CCSER1: variants seen among roughly 807,000 people sequenced by gnomAD.
CCSER1 encodes the protein serine-rich coiled-coil domain-containing protein 1.
CCSER1 carries 41 observed loss-of-function variants against 82.0 expected under a neutral mutation model. The ratio of observed to expected loss-of-function variants is 0.50; its 90% CI spans 0.39 to 0.65. CCSER1 has a LOEUF of 0.65. Among genes scored for constraint, CCSER1 ranks in the 30% least tolerant of loss-of-function variants. The pLI, the probability that CCSER1 is intolerant of heterozygous loss-of-function variation, is 0.00. For missense variants in CCSER1, 1,119 were observed against 1,064.2 expected, an observed-to-expected ratio of 1.05 and a Z score of -0.72; for synonymous variants, 414 against 383.9, an observed-to-expected ratio of 1.08 and a Z score of -0.92.
chr4:90,815,957 G>T (rs1758956738), intron 8 of CCSER1, 112 bp downstream of exon 8: 1 of 599,700 alleles, frequency 1.7e-6, no homozygotes, highest in South Asian at 2.8e-5. Context: ...TCCTTCCAGT[G>T]GTTCAATCCA....
chr4:90,616,725 ACACACACACACAC>A (rs1340723833), intron 5 of CCSER1, among the ~76,000 whole-genome samples: 10 of 112,552 alleles, frequency 8.9e-5, no homozygotes, highest in African/African-American at 3.7e-4. Flanking sequence ...ACACACACAC[ACACACACACACAC>A]AAATAAAATA....
In CCSER1 at chr4:90,648,301, GA is replaced by G. The variant is rs1284284391; in HGVS notation, c.1932+20072del. ...GAAAGAAAGGAAAGAAAGAAAGAAAGAAAGAAAGAAAGAAAGAAAGAAAGAA... is the reference window on the plus strand; with the variant it reads ...GAAAGAAAGGAAAGAAAGAAAGAAAGAAGAAAGAAAGAAAGAAAGAAAGAA... On this transcript the variant is annotated intron_variant, in intron 6 of 10. Coordinates refer to ENST00000509176, the MANE Select transcript of CCSER1 (RefSeq NM_001145065.2). Among the ~76,000 whole-genome samples the G allele has an allele frequency of 1.6e-4, 11 of 67,718 alleles. No individual in the cohort carries two copies. The East Asian group carries it at 3.7e-3, about 23-fold the overall frequency. The allele number at this position is 67,718 out of a possible 152,430, so 44.4% of individuals were successfully genotyped here.
intron 10 of CCSER1, among the ~76,000 whole-genome samples, chr4:91,196,773 A>G (rs1275920675): frequency 6.6e-6 from 1 of 152,238 alleles, no homozygotes; most frequent in African/African-American, 2.4e-5. Context: ...TTCTAACCAT[A>G]CATAACTCTT....
intron 9 of CCSER1, among the ~76,000 whole-genome samples, chr4:90,996,052 A>G (rs1378103063): frequency 1.3e-5 from 2 of 152,098 alleles, no homozygotes; most frequent in Non-Finnish European, 2.9e-5. Context: ...ATAATATTTT[A>G]TTATAGTCCA....
chr4:90,885,764 A>C (rs961350383), intron 8 of CCSER1, among the ~76,000 whole-genome samples: 1 of 152,184 alleles, frequency 6.6e-6, no homozygotes, highest in Admixed American at 6.5e-5. Flanking sequence ...TGAATTTATC[A>C]GATACATAAA....
intron 1 of CCSER1, among the ~76,000 whole-genome samples, chr4:90,255,294 A>G (rs1187497631): frequency 1.3e-5 from 2 of 152,068 alleles, no homozygotes; most frequent in East Asian, 3.9e-4. Context: ...AGTGATCTAC[A>G]TGGGAACCAC....
At position 90,632,231 on chromosome 4, in the gene CCSER1, C is replaced by T. The variant is rs1215393904; in HGVS notation, c.1932+3999C>T. Among the ~76,000 whole-genome samples the T allele has an allele frequency of 6.6e-5, 10 of 152,084 alleles. No individual in the cohort carries two copies. In the East Asian group the frequency reaches 1.9e-3, roughly 29 times the overall value. On this transcript the variant is annotated intron_variant, in intron 6 of 10. Coordinates refer to ENST00000509176, the MANE Select transcript of CCSER1 (RefSeq NM_001145065.2). ...CAATTTTTATTACTGGCTAAACAAC[C>T]TTAGATTGCTATTAAAATGTTAAAT...
At chr4:91,569,418 TG>T (rs757153325) in intron 10 of CCSER1, among the ~76,000 whole-genome samples, 10 of 152,152 alleles carry the variant, frequency 6.6e-5, no homozygotes, top group Non-Finnish European at 1.3e-4. Context: ...GGTTGTCTCC[TG>T]GGGGCTTGTA....
chr4:90,545,074 A>G (rs559788834), intron 5 of CCSER1, among the ~76,000 whole-genome samples: 5 of 152,136 alleles, frequency 3.3e-5, no homozygotes, highest in East Asian at 1.9e-4. Flanking sequence ...GATAAAACTC[A>G]TCTTTTGAGA....
chr4:91,413,832 G>T (rs1578398019), intron 10 of CCSER1, among the ~76,000 whole-genome samples: 1 of 151,984 alleles, frequency 6.6e-6, no homozygotes, highest in Non-Finnish European at 1.5e-5. Flanking sequence ...CCTACAAAAG[G>T]CTATCAGCAG....
intron 5 of CCSER1, among the ~76,000 whole-genome samples, chr4:90,618,448 A>C (rs1203636125): frequency 1.3e-5 from 2 of 152,012 alleles, no homozygotes; most frequent in Non-Finnish European, 2.9e-5. Context: ...TGTTTTTCAT[A>C]AATCATATCT....
chr4:90,133,262 A>AT (rs1723107189), intron 1 of CCSER1, among the ~76,000 whole-genome samples: 1 of 152,146 alleles, frequency 6.6e-6, no homozygotes, highest in South Asian at 2.1e-4. Context: ...TTCTGACCAA[A>AT]TTTTTAATGA....
In CCSER1 at chr4:90,403,103, TA is replaced by T. The variant is rs371537593; in HGVS notation, c.1603+2979del. 7.0e-4 allele frequency among the ~76,000 whole-genome samples: 106 copies of T among 152,314 alleles called. 3 individuals carry two copies. The East Asian group carries it at 0.012, about 17-fold the overall frequency. On this transcript the variant is annotated intron_variant, in intron 4 of 10. Transcript: ENST00000509176. ...TTTAGATGCCATGTTGTGTGGTTTTTAAAAAGCAGCAAACACGTTTATATAC... is the reference window on the plus strand; with the variant it reads ...TTTAGATGCCATGTTGTGTGGTTTTTAAAAGCAGCAAACACGTTTATATAC...
chr4:91,031,930 CTAA>C (rs1317981870), intron 9 of CCSER1, among the ~76,000 whole-genome samples: 1 of 151,948 alleles, frequency 6.6e-6, no homozygotes, highest in Non-Finnish European at 1.5e-5. Flanking sequence ...CTAATATTTC[CTAA>C]TGTTTTTTAA....
intron 10 of CCSER1, among the ~76,000 whole-genome samples, chr4:91,588,259 A>T (rs768425338): frequency 6.6e-6 from 1 of 151,618 alleles, no homozygotes; most frequent in Non-Finnish European, 1.5e-5. Context: ...AAAGAAAAAA[A>T]ATAGCCTTAG....
At position 90,156,910 on chromosome 4, in the gene CCSER1, G is replaced by A. The variant is rs149409199; in HGVS notation, c.-42+29079G>A. Among the ~76,000 whole-genome samples the A allele has an allele frequency of 2.2e-3, 339 of 152,262 alleles. 10 individuals carry two copies. In the South Asian group the frequency reaches 0.045, roughly 20 times the overall value. On this transcript the variant is annotated intron_variant, in intron 1 of 10. Transcript: ENST00000509176. ...TATTGTTATGTGTGAATTCGATCCT[G>A]TCATTATGATGTTAGCTGGTTATTT...
chr4:90,127,433 C>G lies in CCSER1; in HGVS notation c.-440C>G, dbSNP rs912521763. On this transcript the variant is annotated 5_prime_UTR_variant, in exon 1 of 11. Transcript: ENST00000509176. The stretch of plus-strand genomic sequence containing the variant: ...CGGCCTGCCGGGGAGGTGGATCTCG[C>G]GCTCCCCACACAGTCACACTCCGCG... 2.0e-5 allele frequency: 3 copies of G among 152,404 alleles called. No individual in the cohort carries two copies. The highest frequency in any genetic ancestry group is 7.2e-5 in the African/African-American group (3 of 41,424). 9.4% of individuals were successfully genotyped at this position (152,404 alleles called of 1,614,324 possible). A position where few individuals can be genotyped will look rare whatever the true frequency, so the allele number is the denominator to read the frequency against.
At chr4:90,607,908 AC>A (rs1192616293) in intron 5 of CCSER1, among the ~76,000 whole-genome samples, 2 of 152,114 alleles carry the variant, frequency 1.3e-5, no homozygotes, top group Non-Finnish European at 2.9e-5. Flanking sequence ...ACTCCACTTA[AC>A]CGTTTTTAAA....
chr4:90,764,497 A>G (rs1291375804), intron 7 of CCSER1, among the ~76,000 whole-genome samples: 1 of 152,132 alleles, frequency 6.6e-6, no homozygotes, highest in Non-Finnish European at 1.5e-5. Flanking sequence ...AGAGACATCA[A>G]TTGTCACCCA....
Sources: allele counts gnomAD v4.1 joint callset (sites outside exome capture counted in the v4.1 genomes callset), GRCh38; gene constraint gnomAD v4.1.1; transcripts MANE v1.5; gene names NCBI Gene and HGNC (gene_info 2026-07-23, HGNC 2026-07-21).